Variants in COL4A2 observed in about 807,000 individuals in gnomAD.
COL4A2 encodes collagen type IV alpha 2 chain.
In COL4A2, 99 loss-of-function variants were observed where a neutral mutation model predicts 200.2. That is an observed-to-expected ratio of 0.49 (90% CI 0.42 to 0.58). COL4A2 has a LOEUF of 0.58. COL4A2 is among the 20% of genes least tolerant of loss of function. The pLI, the probability that COL4A2 is intolerant of heterozygous loss-of-function variation, is 0.00. For synonymous variants in COL4A2, 897 were observed against 900.6 expected (o/e 1.00, Z 0.07); for missense variants, 1,950 against 2,314.1 (o/e 0.84, Z 3.23).
At chr13:110,439,727 GCCC>G in intron 15 of COL4A2, 59 bp from the exon 16 acceptor site, 5 of 1,611,458 alleles carry the variant, frequency 3.1e-6, no homozygotes, top group African/African-American at 2.7e-5. Context: ...CCGTAGTCAA[GCCC>G]TCTGGAAATG....
intron 4 of COL4A2, among the ~76,000 whole-genome samples, chr13:110,399,682 T>C (rs1409533537): frequency 6.6e-6 from 1 of 152,144 alleles, no homozygotes; most frequent in Non-Finnish European, 1.5e-5. Flanking sequence ...TTGTCTAAAT[T>C]TGGGGGGATG....
At chr13:110,319,805 A>G (rs149964463) in intron 3 of COL4A2, among the ~76,000 whole-genome samples, 1 of 152,282 alleles carries the variant, frequency 6.6e-6, no homozygotes, top group African/African-American at 2.4e-5. Context: ...TTCCCGCCAG[A>G]TTTCAGCGCC....
chr13:110,481,522 C>T lies in COL4A2; in HGVS notation c.2759-994C>T, dbSNP rs75033444. On this transcript the variant is annotated intron_variant, in intron 31 of 47. Coordinates refer to ENST00000360467, the MANE Select transcript of COL4A2 (RefSeq NM_001846.4). ...CTTCCATTGCTGGAGACACACTGTT[C>T]TGTCCCTCCGTTGCTGGAGACACAC... Among the ~76,000 whole-genome samples, 2 of 78,012 alleles carry T rather than the reference C, an allele frequency of 2.6e-5. 1 individual carries two copies. Among genetic ancestry groups the T allele is most frequent in the Non-Finnish European group, 5.4e-5 (2 of 36,806 alleles). The allele number at this position is 78,012 out of a possible 152,430, so 51.2% of individuals were successfully genotyped here.
At chr13:110,491,994 C>G in intron 37 of COL4A2, 76 bp from the exon 38 acceptor site, 3 of 1,313,660 alleles carry the variant, frequency 2.3e-6, no homozygotes, top group South Asian at 2.9e-5. Flanking sequence ...GAGCGGCTGC[C>G]CCTCCTGCCA....
intron 36 of COL4A2, among the ~76,000 whole-genome samples, chr13:110,490,002 T>G (rs1883234966): frequency 6.6e-6 from 1 of 152,220 alleles, no homozygotes; most frequent in Non-Finnish European, 1.5e-5. Context: ...TGTCTCTCTC[T>G]TTGATACTGA....
intron 3 of COL4A2, among the ~76,000 whole-genome samples, chr13:110,323,909 G>C (rs74126236): frequency 0.09 from 13,637 of 152,254 alleles, 2,008 homozygotes; most frequent in African/African-American, 0.31. Flanking sequence ...TCATTATGCT[G>C]AGTGCGAAAG....
chr13:110,308,031 C>T (rs569958398), intron 2 of COL4A2, 38 bp from the exon 3 acceptor site: 1 of 1,611,824 alleles, frequency 6.2e-7, no homozygotes, highest in African/African-American at 1.3e-5. Flanking sequence ...AAGCCGGGCC[C>T]GCACGTTCAC....
intron 6 of COL4A2, among the ~76,000 whole-genome samples, chr13:110,426,000 G>A (rs898953868): frequency 6.6e-6 from 1 of 152,152 alleles, no homozygotes. Context: ...CTACCTGAAT[G>A]GTAGGCTCAA....
At chr13:110,507,220 T>C (rs1594117396) in intron 46 of COL4A2, among the ~76,000 whole-genome samples, 1 of 152,342 alleles carries the variant, frequency 6.6e-6, no homozygotes, top group South Asian at 2.1e-4. Flanking sequence ...CATCAGGCGT[T>C]CTGCCCCCGG....
At chr13:110,502,227 G>A (rs1485843675) in intron 41 of COL4A2, among the ~76,000 whole-genome samples, 1 of 152,260 alleles carries the variant, frequency 6.6e-6, no homozygotes, top group Non-Finnish European at 1.5e-5. Context: ...ACCGAGTGCT[G>A]AAAGCAACCC....
intron 41 of COL4A2, chr13:110,502,754 C>T (rs1883692421): frequency 4.7e-6 from 1 of 211,456 alleles, no homozygotes; most frequent in Admixed American, 5.9e-5. Context: ...ATACGAGGCC[C>T]CTGAAGTCAT....
At chr13:110,371,236 T>C (rs997379980) in intron 4 of COL4A2, among the ~76,000 whole-genome samples, 2 of 152,230 alleles carry the variant, frequency 1.3e-5, no homozygotes, top group African/African-American at 4.8e-5. Context: ...AATTATCTTA[T>C]TGCATAGAAT....
At chr13:110,367,527 C>T (rs1877807398) in intron 4 of COL4A2, among the ~76,000 whole-genome samples, 1 of 152,220 alleles carries the variant, frequency 6.6e-6, no homozygotes, top group Non-Finnish European at 1.5e-5. Context: ...AAAAAATGCA[C>T]TTAGGGTGGT....
rs528095125 is a variant in COL4A2, at chr13:110,344,742, CTG to C, written c.100-12728_100-12727del. Among the ~76,000 whole-genome samples, 204 of 152,344 alleles carry C rather than the reference CTG, an allele frequency of 1.3e-3. 2 individuals carry two copies. The highest frequency in any genetic ancestry group is 4.8e-3 in the African/African-American group (200 of 41,570). The stretch of plus-strand genomic sequence containing the variant: ...CAGCTCTTCCCAATCTTTGGTCATC[CTG>C]TCCTTGCTCTCTGCAGTGTAGCAGT... On this transcript the variant is annotated intron_variant, in intron 3 of 47. Transcript: ENST00000360467.
intron 3 of COL4A2, among the ~76,000 whole-genome samples, chr13:110,353,358 G>C (rs1877044582): frequency 6.6e-6 from 1 of 152,202 alleles, no homozygotes; most frequent in Non-Finnish European, 1.5e-5. Flanking sequence ...TAGGATCGCG[G>C]CTTGTCTTTG....
chr13:110,467,006 G>A (rs1882267452), intron 26 of COL4A2, 34 bp from the exon 27 acceptor site: 1 of 1,613,852 alleles, frequency 6.2e-7, no homozygotes. Flanking sequence ...GTTTAGGATT[G>A]CTTGGGCTCA....
intron 3 of COL4A2, among the ~76,000 whole-genome samples, chr13:110,320,503 G>T (rs1443480180): frequency 6.6e-6 from 1 of 152,128 alleles, no homozygotes; most frequent in African/African-American, 2.4e-5. Flanking sequence ...TTTAATCCAA[G>T]AATTCTTTAC....
intron 4 of COL4A2, among the ~76,000 whole-genome samples, chr13:110,392,530 C>T (rs1879026930): frequency 6.6e-6 from 1 of 152,104 alleles, no homozygotes; most frequent in African/African-American, 2.4e-5. Context: ...CCTGTGTGTC[C>T]ACTCAGTATG....
intron 3 of COL4A2, among the ~76,000 whole-genome samples, chr13:110,354,422 TA>T (rs1238244320): frequency 6.6e-6 from 1 of 152,198 alleles, no homozygotes; most frequent in Non-Finnish European, 1.5e-5. Flanking sequence ...CCATTGCAGA[TA>T]AACATTGGAG....
Sources: gnomAD v4.1 joint callset for allele counts (sites outside exome capture counted in the v4.1 genomes callset) on GRCh38, gnomAD v4.1.1 for gene constraint, MANE v1.5 for transcripts, NCBI Gene and HGNC (gene_info 2026-07-23, HGNC 2026-07-21) for gene names.